XKR9: variants seen among roughly 807,000 people sequenced by gnomAD.
XKR9 encodes XK-related protein 9.
A neutral mutation model predicts 32.0 loss-of-function variants in XKR9; 32 were observed. The observed-to-expected ratio is 1.00, with a 90% CI of 0.76 to 1.34. The LOEUF is 1.34. XKR9 is among the 40% of genes most tolerant of loss of function. The pLI is 0.00. For synonymous variants in XKR9, 168 were observed against 143.4 expected, an observed-to-expected ratio of 1.17 and a Z score of -1.22; for missense variants, 546 against 429.7, an observed-to-expected ratio of 1.27 and a Z score of -2.39.
intron 4 of XKR9, among the ~76,000 whole-genome samples, chr8:70,713,055 G>T (rs1330059978): frequency 6.6e-6 from 1 of 152,052 alleles, no homozygotes; most frequent in African/African-American, 2.4e-5. Flanking sequence ...AGAACTAAAA[G>T]ATGAACTTGA....
rs534797518 is a variant in XKR9, at chr8:70,684,743, A to G, written c.272+3413A>G. 3.4e-5 allele frequency among the ~76,000 whole-genome samples: 5 copies of G among 146,950 alleles called. No individual in the cohort carries two copies. In the South Asian group the frequency reaches 1.1e-3, roughly 33 times the overall value. On this transcript the variant is annotated intron_variant, in intron 3 of 4. Transcript: ENST00000408926. Reference sequence around the variant, plus strand: ...TATGCAGCCAAAAAACACATGAAAAAATGCTCACCATCACTGGCCATCAGA... The same window carrying G: ...TATGCAGCCAAAAAACACATGAAAAGATGCTCACCATCACTGGCCATCAGA...
the XKR9 span, among the ~76,000 whole-genome samples, chr8:70,887,750 C>T: frequency 6.6e-6 from 1 of 151,886 alleles, no homozygotes; most frequent in Admixed American, 6.6e-5. Flanking sequence ...TATAGAAATG[C>T]TTTTGATTTT....
the XKR9 span, among the ~76,000 whole-genome samples, chr8:70,871,965 A>C: frequency 6.6e-6 from 1 of 152,174 alleles, no homozygotes. Flanking sequence ...AACTTTTCCA[A>C]TTTGGGACTT....
chr8:70,767,343 T>C (rs1037931706), intron 2 of XKR9, among the ~76,000 whole-genome samples: 2 of 152,084 alleles, frequency 1.3e-5, no homozygotes, highest in African/African-American at 4.8e-5. Flanking sequence ...TGTATCTGTC[T>C]AGGAATTTAT....
chr8:70,887,367 G>A, the XKR9 span, among the ~76,000 whole-genome samples: 1 of 152,002 alleles, frequency 6.6e-6, no homozygotes, highest in Non-Finnish European at 1.5e-5. Context: ...GATGCCTCCA[G>A]CTTTGTTCTT....
chr8:70,744,146 A>G (rs1165067292), intron 2 of XKR9, among the ~76,000 whole-genome samples: 4 of 151,960 alleles, frequency 2.6e-5, no homozygotes, highest in Admixed American at 6.6e-5. Flanking sequence ...CCCCATCTCT[A>G]CTAAAAATAC....
chr8:71,050,246 T>G, the XKR9 span, among the ~76,000 whole-genome samples: 14 of 124,274 alleles, frequency 1.1e-4, no homozygotes, highest in Admixed American at 2.4e-4. Context: ...GATATATATA[T>G]ATATATATAT....
chr8:70,812,622 A>T, the XKR9 span, among the ~76,000 whole-genome samples: 1 of 152,214 alleles, frequency 6.6e-6, no homozygotes, highest in Non-Finnish European at 1.5e-5. Context: ...ATGTACAAAA[A>T]TTACAAGCAT....
the XKR9 span, among the ~76,000 whole-genome samples, chr8:70,812,035 A>G: frequency 1.3e-5 from 2 of 152,130 alleles, no homozygotes; most frequent in Non-Finnish European, 2.9e-5. Context: ...TGATGCAAAA[A>G]TCCTCAATAA....
chr8:70,885,444 G>A, the XKR9 span, among the ~76,000 whole-genome samples: 263 of 152,248 alleles, frequency 1.7e-3, 1 homozygote, highest in African/African-American at 6.0e-3. Flanking sequence ...TACATGTGCT[G>A]AAAGTGCAAG....
At chr8:70,840,183 TG>T in the XKR9 span, among the ~76,000 whole-genome samples, 1 of 152,222 alleles carries the variant, frequency 6.6e-6, no homozygotes, top group African/African-American at 2.4e-5. Context: ...CTTCTGGCCT[TG>T]GCCTAGTGGT....
the XKR9 span, among the ~76,000 whole-genome samples, chr8:70,814,124 A>T: frequency 1.3e-5 from 2 of 152,146 alleles, no homozygotes; most frequent in South Asian, 2.1e-4. Flanking sequence ...TAAAAAATGA[A>T]GAGTTCATGT....
the XKR9 span, among the ~76,000 whole-genome samples, chr8:70,811,745 A>G: frequency 6.6e-6 from 1 of 152,242 alleles, no homozygotes; most frequent in South Asian, 2.1e-4. Context: ...AACCAGGAAG[A>G]AGTTGAATCT....
At chr8:70,895,134 A>C in the XKR9 span, among the ~76,000 whole-genome samples, 1 of 152,020 alleles carries the variant, frequency 6.6e-6, no homozygotes, top group Non-Finnish European at 1.5e-5. Context: ...CAATGTGTTG[A>C]TGGGGGTTGC....
chr8:70,784,192 T>A (rs1563479735), intron 2 of XKR9, among the ~76,000 whole-genome samples: 1 of 152,200 alleles, frequency 6.6e-6, no homozygotes. Flanking sequence ...CAGTGTCTTT[T>A]GTGGTTCTAT....
intron 2 of XKR9, among the ~76,000 whole-genome samples, chr8:70,751,553 AG>A (rs778814995): frequency 6.6e-6 from 1 of 152,170 alleles, no homozygotes; most frequent in Non-Finnish European, 1.5e-5. Context: ...CAGTGGACTA[AG>A]TAAGGAAGAT....
At chr8:70,779,064 A>G (rs572578912) in intron 2 of XKR9, among the ~76,000 whole-genome samples, 46 of 152,322 alleles carry the variant, frequency 3.0e-4, no homozygotes, top group African/African-American at 8.9e-4. Context: ...TTGCCCATTC[A>G]GTATGATATT....
the XKR9 span, among the ~76,000 whole-genome samples, chr8:70,961,823 G>A: frequency 2.0e-5 from 3 of 151,958 alleles, no homozygotes; most frequent in Non-Finnish European, 2.9e-5. Flanking sequence ...GTATGTTTTT[G>A]TGTGTGTTAA....
chr8:70,757,903 A>G (rs1807252462), intron 2 of XKR9, among the ~76,000 whole-genome samples: 2 of 152,302 alleles, frequency 1.3e-5, no homozygotes, highest in Non-Finnish European at 2.9e-5. Context: ...CTTTATTTCT[A>G]TAATGGCTAC....
Sources: gnomAD v4.1 joint callset for allele counts (sites outside exome capture counted in the v4.1 genomes callset) on GRCh38, gnomAD v4.1.1 for gene constraint, MANE v1.5 for transcripts, NCBI Gene and HGNC (gene_info 2026-07-23, HGNC 2026-07-21) for gene names.